Variants in EXOC4 observed in about 807,000 individuals in gnomAD.
EXOC4 encodes SEC8-like 1.
In EXOC4, 71 loss-of-function variants were observed where a neutral mutation model predicts 107.2. The observed-to-expected ratio is 0.66, with a 90% CI of 0.55 to 0.81. EXOC4 has a LOEUF of 0.81. Among genes scored for constraint, EXOC4 ranks in the 30% least tolerant of loss-of-function variants. EXOC4 has a pLI of 0.00. For missense variants in EXOC4, 1,108 were observed against 1,189.6 expected, an observed-to-expected ratio of 0.93 and a Z score of 1.01; for synonymous variants, 456 against 441.2, an observed-to-expected ratio of 1.03 and a Z score of -0.42.
chr7:133,570,223 T>G (rs139793956), intron 9 of EXOC4, among the ~76,000 whole-genome samples: 138 of 152,306 alleles, frequency 9.1e-4, no homozygotes, highest in African/African-American at 3.0e-3. Context: ...CTTTTAATAT[T>G]GTCAGGAAGA....
chr7:133,428,033 C>G (rs1427544994), intron 7 of EXOC4, among the ~76,000 whole-genome samples: 1 of 152,198 alleles, frequency 6.6e-6, no homozygotes, highest in East Asian at 1.9e-4. Context: ...TATTTAACTT[C>G]TCAACTTATG....
At chr7:133,904,206 G>A (rs1799517825) in intron 12 of EXOC4, among the ~76,000 whole-genome samples, 1 of 152,114 alleles carries the variant, frequency 6.6e-6, no homozygotes, top group Admixed American at 6.5e-5. Context: ...TGTATTTGAA[G>A]AAAAGGACTT....
intron 10 of EXOC4, among the ~76,000 whole-genome samples, chr7:133,668,830 A>T (rs1793874178): frequency 6.6e-6 from 1 of 152,028 alleles, no homozygotes; most frequent in Non-Finnish European, 1.5e-5. Flanking sequence ...TTCTGGAGAG[A>T]GCCAGGTGGT....
At chr7:133,473,524 C>G (rs1457955223) in intron 7 of EXOC4, among the ~76,000 whole-genome samples, 2 of 151,966 alleles carry the variant, frequency 1.3e-5, no homozygotes, top group Non-Finnish European at 2.9e-5. Context: ...TATTAATGAC[C>G]TTTTTTGTCT....
At chr7:133,726,433 C>G (rs1279177621) in intron 10 of EXOC4, among the ~76,000 whole-genome samples, 1 of 152,188 alleles carries the variant, frequency 6.6e-6, no homozygotes, top group Non-Finnish European at 1.5e-5. Flanking sequence ...ATACTGACTT[C>G]TGTTGAGTTC....
intron 5 of EXOC4, among the ~76,000 whole-genome samples, chr7:133,322,405 G>A (rs1009961206): frequency 1.3e-5 from 2 of 152,154 alleles, no homozygotes; most frequent in Admixed American, 6.5e-5. Context: ...TAAGGTGTAA[G>A]GAAAGGGTCC....
intron 5 of EXOC4, among the ~76,000 whole-genome samples, chr7:133,321,168 G>A (rs1458823202): frequency 1.3e-5 from 2 of 150,324 alleles, no homozygotes; most frequent in African/African-American, 5.0e-5. Context: ...AAGATTGGAG[G>A]TGATTCCTGA....
chr7:133,832,650 T>C (rs1177507419), intron 11 of EXOC4, among the ~76,000 whole-genome samples: 1 of 152,260 alleles, frequency 6.6e-6, no homozygotes, highest in Non-Finnish European at 1.5e-5. Flanking sequence ...CTTCTTATCA[T>C]TGAATAATAT....
intron 9 of EXOC4, among the ~76,000 whole-genome samples, chr7:133,499,904 C>G (rs753408747): frequency 3.9e-5 from 6 of 152,084 alleles, no homozygotes; most frequent in East Asian, 1.9e-4. Flanking sequence ...AGTTAAACCT[C>G]TTTTCTTTGT....
At chr7:133,947,163 A>G (rs985429851) in intron 14 of EXOC4, among the ~76,000 whole-genome samples, 3 of 152,244 alleles carry the variant, frequency 2.0e-5, no homozygotes, top group Non-Finnish European at 4.4e-5. Flanking sequence ...TCTAACTATT[A>G]AATGATCTGA....
the EXOC4 span, among the ~76,000 whole-genome samples, chr7:134,084,894 T>A: frequency 1.1e-4 from 15 of 140,246 alleles, no homozygotes. Context: ...ACTACAGTGA[T>A]GCCTAGTGGT....
At chr7:133,598,971 G>C (rs1377111382) in intron 9 of EXOC4, among the ~76,000 whole-genome samples, 1 of 152,034 alleles carries the variant, frequency 6.6e-6, no homozygotes, top group African/African-American at 2.4e-5. Context: ...GCGACAGAGT[G>C]AGACTCCATC....
chr7:133,665,047 A>T (rs1193068939), intron 10 of EXOC4, among the ~76,000 whole-genome samples: 1 of 152,094 alleles, frequency 6.6e-6, no homozygotes, highest in African/African-American at 2.4e-5. Context: ...TTTATTTCCA[A>T]CCTGGTATAG....
chr7:133,984,499 G>A (rs1039934695), intron 14 of EXOC4, among the ~76,000 whole-genome samples: 6 of 152,158 alleles, frequency 3.9e-5, no homozygotes, highest in Admixed American at 3.3e-4. Flanking sequence ...TAAAGGCATT[G>A]TGAAAATATA....
chr7:133,616,759 C>A (rs1802203878), intron 9 of EXOC4, among the ~76,000 whole-genome samples: 1 of 152,108 alleles, frequency 6.6e-6, no homozygotes, highest in South Asian at 2.1e-4. Flanking sequence ...ACATACAGTT[C>A]ATTCTCATTT....
At chr7:133,664,858 A>T (rs1245225670) in intron 10 of EXOC4, among the ~76,000 whole-genome samples, 2 of 152,090 alleles carry the variant, frequency 1.3e-5, no homozygotes, top group East Asian at 3.9e-4. Flanking sequence ...AAGAAGGAAA[A>T]AAAAAGTCTC....
chr7:133,830,446 G>T (rs1585182593), intron 11 of EXOC4, among the ~76,000 whole-genome samples: 1 of 152,180 alleles, frequency 6.6e-6, no homozygotes, highest in Admixed American at 6.5e-5. Context: ...AGAGCCAAAA[G>T]AAATCTTCAA....
intron 12 of EXOC4, among the ~76,000 whole-genome samples, chr7:133,912,118 A>G (rs141030890): frequency 6.6e-6 from 1 of 152,328 alleles, no homozygotes; most frequent in African/African-American, 2.4e-5. Flanking sequence ...GCTGATGGGT[A>G]GGTTTGGCCC....
At chr7:133,419,307 A>G (rs1007739508) in intron 7 of EXOC4, among the ~76,000 whole-genome samples, 28 of 152,114 alleles carry the variant, frequency 1.8e-4, no homozygotes, top group African/African-American at 6.3e-4. Flanking sequence ...AGAGGAGGAA[A>G]GGAGACTCAT....
Sources: gnomAD v4.1 joint callset for allele counts (sites outside exome capture counted in the v4.1 genomes callset) on GRCh38, gnomAD v4.1.1 for gene constraint, MANE v1.5 for transcripts, NCBI Gene and HGNC (gene_info 2026-07-23, HGNC 2026-07-21) for gene names.